KCTD16: variants seen among roughly 807,000 people sequenced by gnomAD.
KCTD16 encodes BTB/POZ domain-containing protein KCTD16.
KCTD16 carries 13 observed loss-of-function variants against 33.2 expected under a neutral mutation model. The ratio of observed to expected loss-of-function variants is 0.39; its 90% CI spans 0.25 to 0.62. The LOEUF (loss-of-function observed/expected upper bound fraction) is 0.62. Ranked by LOEUF, KCTD16 falls within the 20% of genes least tolerant of loss-of-function variation. The pLI, the probability that KCTD16 is intolerant of heterozygous loss-of-function variation, is 0.50. For synonymous variants in KCTD16, 197 were observed against 195.3 expected (o/e 1.01, Z -0.07); for missense variants, 441 against 525.1 (o/e 0.84, Z 1.57).
chr5:144,285,778 G>A (rs763757864), intron 3 of KCTD16, among the ~76,000 whole-genome samples: 1 of 152,062 alleles, frequency 6.6e-6, no homozygotes, highest in Non-Finnish European at 1.5e-5. Context: ...GGTATTTTGT[G>A]ATTGGCATTC....
At chr5:144,254,915 T>C (rs1237333366) in intron 3 of KCTD16, among the ~76,000 whole-genome samples, 1 of 152,088 alleles carries the variant, frequency 6.6e-6, no homozygotes, top group African/African-American at 2.4e-5. Flanking sequence ...GTGCATGCAC[T>C]ACCATGCCTG....
chr5:144,379,811 T>C (rs1197304906), intron 3 of KCTD16, among the ~76,000 whole-genome samples: 1 of 152,138 alleles, frequency 6.6e-6, no homozygotes, highest in Non-Finnish European at 1.5e-5. Flanking sequence ...CAAATATTTA[T>C]CACTGACTTG....
At chr5:144,226,263 A>G (rs1304510303) in intron 3 of KCTD16, among the ~76,000 whole-genome samples, 2 of 152,242 alleles carry the variant, frequency 1.3e-5, no homozygotes, top group Non-Finnish European at 2.9e-5. Flanking sequence ...TTTACAGATA[A>G]GAAGACTGAG....
chr5:144,207,194 C>T lies in KCTD16; in HGVS notation c.480C>T (p.Asp160=), dbSNP rs1580787457. The T allele has an allele frequency of 1.9e-6, 3 of 1,613,390 alleles. No homozygotes were observed. Among genetic ancestry groups the T allele is most frequent in the East Asian group, 4.5e-5 (2 of 44,852 alleles). ...CCCCTTCCTCCCTGCTCCCTGCCGA[C>T]CGCAAGTGGGGTTTCATTACTGTGG... ...ICPPSSLLPA[D]RKWGFITVGY... Residue 160 remains aspartate (D), a synonymous_variant, in exon 3 of 4, where the codon GAC becomes GAT. Transcript: ENST00000512467.
chr5:144,177,383 G>A (rs147641068), intron 2 of KCTD16, among the ~76,000 whole-genome samples: 8 of 152,304 alleles, frequency 5.3e-5, no homozygotes, highest in African/African-American at 1.9e-4. Flanking sequence ...TAGGGATGCT[G>A]TAACAAAGTA....
At chr5:144,377,990 A>G (rs909377528) in intron 3 of KCTD16, 1 of 152,204 alleles carries the variant, frequency 6.6e-6, no homozygotes, top group African/African-American at 2.4e-5. Flanking sequence ...TTGTCCTTTC[A>G]TATACATAGA....
At chr5:144,290,079 G>A (rs910710995) in intron 3 of KCTD16, among the ~76,000 whole-genome samples, 3 of 152,084 alleles carry the variant, frequency 2.0e-5, no homozygotes, top group South Asian at 4.2e-4. Context: ...TCAGGAGTTC[G>A]AGACCAGCCT....
intron 3 of KCTD16, among the ~76,000 whole-genome samples, chr5:144,346,500 C>T (rs111659594): frequency 0.014 from 2,166 of 152,220 alleles, 52 homozygotes; most frequent in African/African-American, 0.05. Context: ...ATTCCCTTTT[C>T]TCCACATCCT....
At chr5:144,433,247 A>G (rs888112438) in intron 3 of KCTD16, among the ~76,000 whole-genome samples, 3 of 152,128 alleles carry the variant, frequency 2.0e-5, no homozygotes, top group Admixed American at 6.6e-5. Flanking sequence ...ACCTGAGAAC[A>G]GAGAACTCTT....
At chr5:144,243,188 T>G (rs1001309914) in intron 3 of KCTD16, among the ~76,000 whole-genome samples, 1 of 152,150 alleles carries the variant, frequency 6.6e-6, no homozygotes, top group African/African-American at 2.4e-5. Flanking sequence ...TTAATGTGAC[T>G]TATTACTTTT....
At chr5:144,435,936 C>A (rs1443588522) in intron 3 of KCTD16, among the ~76,000 whole-genome samples, 1 of 152,096 alleles carries the variant, frequency 6.6e-6, no homozygotes, top group East Asian at 1.9e-4. Flanking sequence ...AGTACTTCAG[C>A]ATTTCTCTGC....
intron 3 of KCTD16, among the ~76,000 whole-genome samples, chr5:144,225,589 TG>T (rs1382815751): frequency 3.8e-4 from 58 of 151,978 alleles, no homozygotes; most frequent in Admixed American, 7.9e-4. Context: ...TGTGTGTGTG[TG>T]TGTGTGTCTT....
chr5:144,342,044 A>G (rs1752661248), intron 3 of KCTD16, among the ~76,000 whole-genome samples: 1 of 152,196 alleles, frequency 6.6e-6, no homozygotes, highest in African/African-American at 2.4e-5. Flanking sequence ...TAAAAAGTTT[A>G]GTTAGCAATG....
intron 2 of KCTD16, among the ~76,000 whole-genome samples, chr5:144,181,853 G>A (rs1333811294): frequency 1.3e-5 from 2 of 152,120 alleles, no homozygotes; most frequent in African/African-American, 2.4e-5. Flanking sequence ...TAGCACTTTG[G>A]GAGACTGAGG....
chr5:144,171,971 T>A (rs1752394476), intron 1 of KCTD16, among the ~76,000 whole-genome samples: 1 of 152,206 alleles, frequency 6.6e-6, no homozygotes. Flanking sequence ...CTTCAGGGTT[T>A]ATAGCAATAA....
intron 2 of KCTD16, among the ~76,000 whole-genome samples, chr5:144,184,949 A>G (rs1453618347): frequency 1.3e-5 from 2 of 152,220 alleles, no homozygotes; most frequent in East Asian, 1.9e-4. Flanking sequence ...TTGATAAACT[A>G]CATCACCATT....
chr5:144,406,714 G>C (rs1386510386), intron 3 of KCTD16, among the ~76,000 whole-genome samples: 1 of 152,222 alleles, frequency 6.6e-6, no homozygotes. Context: ...AGCAAGTATG[G>C]TGTGATGGAA....
chr5:144,198,414 A>G (rs1371529626), intron 2 of KCTD16, among the ~76,000 whole-genome samples: 1 of 152,168 alleles, frequency 6.6e-6, no homozygotes, highest in African/African-American at 2.4e-5. Flanking sequence ...CATATCTGCA[A>G]TTCTCAGCTT....
chr5:144,474,473 T>C lies in KCTD16; in HGVS notation c.*359T>C, dbSNP rs114289840. ...TTTTTCTCTCATCCTTCTACCTCCC[T>C]CCTTTGAATGAGGGTATGGTAGAAA... On this transcript the variant is annotated 3_prime_UTR_variant, in exon 4 of 4. Coordinates refer to ENST00000512467, the MANE Select transcript of KCTD16 (RefSeq NM_020768.4). 1.9e-3 allele frequency: 348 copies of C among 186,846 alleles called. 2 individuals are homozygous for C. The highest frequency in any genetic ancestry group is 7.9e-3 in the African/African-American group (333 of 42,016). 11.6% of individuals were successfully genotyped at this position (186,846 alleles called of 1,614,324 possible).
Sources: gnomAD v4.1 joint callset for allele counts (sites outside exome capture counted in the v4.1 genomes callset) on GRCh38, gnomAD v4.1.1 for gene constraint, MANE v1.5 for transcripts, NCBI Gene and HGNC (gene_info 2026-07-23, HGNC 2026-07-21) for gene names.